The following ASIC2 variants were observed in gnomAD, a reference collection of about 807,000 sequenced individuals.
ASIC2 encodes the protein acid sensing ion channel subunit 2, also known as acid-sensing ion channel 2.
A neutral mutation model predicts 57.3 loss-of-function variants in ASIC2; 25 were observed. The observed-to-expected ratio is 0.44, with a 90% CI of 0.32 to 0.61. The LOEUF is 0.61. ASIC2 is among the 20% of genes least tolerant of loss of function. The pLI, the probability that ASIC2 is intolerant of heterozygous loss-of-function variation, is 0.06. For synonymous variants in ASIC2, 319 were observed against 307.5 expected (o/e 1.04, Z -0.39); for missense variants, 641 against 738.1 (o/e 0.87, Z 1.52).
At chr17:34,017,202 A>G (rs1907007769) in intron 1 of ASIC2, among the ~76,000 whole-genome samples, 2 of 152,204 alleles carry the variant, frequency 1.3e-5, no homozygotes, top group Admixed American at 6.5e-5. Context: ...CTTTTTCATT[A>G]CCATTATATC....
intron 1 of ASIC2, among the ~76,000 whole-genome samples, chr17:33,286,387 T>C (rs915334529): frequency 1.3e-5 from 2 of 152,108 alleles, no homozygotes; most frequent in African/African-American, 4.8e-5. Context: ...ATGAGGTCTC[T>C]CTCCACAGTC....
chr17:33,019,133 G>A (rs2091823182), intron 7 of ASIC2, among the ~76,000 whole-genome samples: 1 of 152,180 alleles, frequency 6.6e-6, no homozygotes, highest in African/African-American at 2.4e-5. Flanking sequence ...CGGGGGAGGT[G>A]TGTGATGTAC....
intron 1 of ASIC2, among the ~76,000 whole-genome samples, chr17:33,629,711 A>G (rs1906099960): frequency 6.6e-6 from 1 of 152,168 alleles, no homozygotes; most frequent in African/African-American, 2.4e-5. Flanking sequence ...AACTGGAATC[A>G]GTGCCTTACT....
At chr17:33,370,957 C>A (rs888595733) in intron 1 of ASIC2, among the ~76,000 whole-genome samples, 2 of 151,488 alleles carry the variant, frequency 1.3e-5, no homozygotes, top group African/African-American at 4.9e-5. Context: ...CCATAGACAG[C>A]GTAGGGTGTT....
At chr17:33,442,070 G>A (rs9902193) in intron 1 of ASIC2, among the ~76,000 whole-genome samples, 58,785 of 151,920 alleles carry the variant, frequency 0.39, 11,752 homozygotes, top group Non-Finnish European at 0.42. Context: ...AATAGTATTT[G>A]TCAAATATTA....
chr17:34,104,693 A>C (rs930515953), intron 1 of ASIC2, among the ~76,000 whole-genome samples: 12 of 152,084 alleles, frequency 7.9e-5, no homozygotes, highest in African/African-American at 2.9e-4. Flanking sequence ...ATATTGTTAA[A>C]TGCCTTTTCT....
intron 1 of ASIC2, among the ~76,000 whole-genome samples, chr17:33,930,554 G>A (rs966168734): frequency 1.3e-5 from 2 of 152,334 alleles, no homozygotes; most frequent in South Asian, 2.1e-4. Flanking sequence ...CTGTGAATAT[G>A]CCTCATGCTG....
chr17:34,136,696 C>G (rs1033373883), intron 1 of ASIC2, among the ~76,000 whole-genome samples: 2 of 152,192 alleles, frequency 1.3e-5, no homozygotes, highest in African/African-American at 4.8e-5. Flanking sequence ...ATGTATAAAA[C>G]CAGGCAGTAC....
At chr17:33,613,541 T>G (rs540182100) in intron 1 of ASIC2, among the ~76,000 whole-genome samples, 68 of 122,442 alleles carry the variant, frequency 5.6e-4, no homozygotes, top group Non-Finnish European at 7.6e-4. Flanking sequence ...ATTTTTTGTG[T>G]TTTTTCTCGT....
At chr17:33,096,157 A>G (rs1380497748) in intron 2 of ASIC2, among the ~76,000 whole-genome samples, 1 of 152,170 alleles carries the variant, frequency 6.6e-6, no homozygotes, top group Non-Finnish European at 1.5e-5. Context: ...ATACAGGAAC[A>G]TTTTTCTTAT....
intron 1 of ASIC2, among the ~76,000 whole-genome samples, chr17:33,841,667 A>G (rs1567731359): frequency 6.6e-6 from 1 of 152,232 alleles, no homozygotes; most frequent in Non-Finnish European, 1.5e-5. Context: ...TCCAGGGGTT[A>G]TCTTCAGGGA....
chr17:33,091,958 C>G (rs1187681110), intron 2 of ASIC2, among the ~76,000 whole-genome samples: 1 of 152,122 alleles, frequency 6.6e-6, no homozygotes, highest in Non-Finnish European at 1.5e-5. Context: ...GTTTAAATAG[C>G]CCCATGTGGC....
intron 1 of ASIC2, among the ~76,000 whole-genome samples, chr17:33,865,938 G>A (rs1398600400): frequency 6.6e-6 from 1 of 150,954 alleles, no homozygotes; most frequent in Non-Finnish European, 1.5e-5. Context: ...TCTCTTCAAA[G>A]GTAACTATTC....
At chr17:33,712,561 T>C (rs1458528356) in intron 1 of ASIC2, among the ~76,000 whole-genome samples, 1 of 151,194 alleles carries the variant, frequency 6.6e-6, no homozygotes, top group Non-Finnish European at 1.5e-5. Context: ...ACCAAGGTGA[T>C]GGCTGGAACT....
At chr17:33,265,899 A>G (rs887241042) in intron 1 of ASIC2, among the ~76,000 whole-genome samples, 6 of 152,232 alleles carry the variant, frequency 3.9e-5, no homozygotes, top group African/African-American at 1.4e-4. Flanking sequence ...TGAGTTTCTC[A>G]TAACATGGAA....
intron 1 of ASIC2, among the ~76,000 whole-genome samples, chr17:34,153,745 C>T (rs1380662280): frequency 1.3e-5 from 2 of 152,212 alleles, no homozygotes; most frequent in African/African-American, 2.4e-5. Flanking sequence ...GAAGGTCACA[C>T]ATAGAGGGCC....
chr17:33,083,843 G>A (rs2092123729), intron 3 of ASIC2, among the ~76,000 whole-genome samples: 1 of 152,092 alleles, frequency 6.6e-6, no homozygotes, highest in Non-Finnish European at 1.5e-5. Flanking sequence ...GTAAGTTACA[G>A]AAAGCCCTGG....
intron 1 of ASIC2, among the ~76,000 whole-genome samples, chr17:33,209,024 T>C (rs1907172696): frequency 6.6e-6 from 1 of 152,212 alleles, no homozygotes; most frequent in Non-Finnish European, 1.5e-5. Flanking sequence ...GTGTATTTAT[T>C]TGGATCAGCT....
intron 1 of ASIC2, among the ~76,000 whole-genome samples, chr17:33,639,151 C>A (rs1906472626): frequency 6.6e-6 from 1 of 151,806 alleles, no homozygotes; most frequent in Non-Finnish European, 1.5e-5. Context: ...TGGTGATGGG[C>A]AGGTGCAGAA....
Sources: gnomAD v4.1 joint callset for allele counts (sites outside exome capture counted in the v4.1 genomes callset) on GRCh38, gnomAD v4.1.1 for gene constraint, MANE v1.5 for transcripts, NCBI Gene and HGNC (gene_info 2026-07-23, HGNC 2026-07-21) for gene names.